RERG: variants seen among roughly 807,000 people sequenced by gnomAD.
RERG encodes the protein ras-related and estrogen-regulated growth inhibitor.
RERG carries 25 observed loss-of-function variants against 23.2 expected under a neutral mutation model. The observed-to-expected ratio is 1.08, with a 90% CI of 0.79 to 1.50. The LOEUF (loss-of-function observed/expected upper bound fraction) is 1.50, where lower values mean the gene tolerates loss of function less well. Among genes scored for constraint, RERG ranks in the 40% most tolerant of loss-of-function variants. The pLI, the probability that RERG is intolerant of heterozygous loss-of-function variation, is 0.00. For synonymous variants in RERG, 81 were observed against 89.1 expected, an observed-to-expected ratio of 0.91 and a Z score of 0.51; for missense variants, 253 against 250.1, an observed-to-expected ratio of 1.01 and a Z score of -0.08.
rs369268046 is a variant in RERG, at chr12:15,205,576, A to G, written c.61+11853T>C. On this transcript the variant is annotated intron_variant, in intron 2 of 4. Transcript: ENST00000256953. Reference sequence around the variant, plus strand: ...CAAACTCAACATGTGTTGCCAAATGACTAGGAAGCTGGCTCAGTTGTTAGA... The same window carrying G: ...CAAACTCAACATGTGTTGCCAAATGGCTAGGAAGCTGGCTCAGTTGTTAGA... 2.0e-5 allele frequency among the ~76,000 whole-genome samples: 3 copies of G among 152,180 alleles called. No individual in the cohort carries two copies. The East Asian group carries it at 5.8e-4, about 29-fold the overall frequency.
intron 2 of RERG, among the ~76,000 whole-genome samples, chr12:15,166,521 T>G (rs1164314654): frequency 6.6e-6 from 1 of 151,030 alleles, no homozygotes; most frequent in Non-Finnish European, 1.5e-5. Flanking sequence ...GTGATGGTGG[T>G]GATGGTGGTG....
chr12:15,177,957 G>A (rs1471029409), intron 2 of RERG, among the ~76,000 whole-genome samples: 1 of 151,312 alleles, frequency 6.6e-6, no homozygotes, highest in Non-Finnish European at 1.5e-5. Context: ...ACACAGAAAT[G>A]GGGAGCTGGA....
At chr12:15,206,385 C>T (rs1177170591) in intron 2 of RERG, among the ~76,000 whole-genome samples, 1 of 152,124 alleles carries the variant, frequency 6.6e-6, no homozygotes, top group Non-Finnish European at 1.5e-5. Flanking sequence ...GTACACCCAA[C>T]AGGGCATGGC....
chr12:15,136,770 T>A (rs989309060), intron 2 of RERG, among the ~76,000 whole-genome samples: 2 of 152,030 alleles, frequency 1.3e-5, no homozygotes, highest in African/African-American at 4.8e-5. Flanking sequence ...ATGCTTTCTA[T>A]GATTTGTATT....
intron 2 of RERG, among the ~76,000 whole-genome samples, chr12:15,189,762 G>C (rs1470010391): frequency 2.0e-5 from 3 of 152,094 alleles, no homozygotes; most frequent in Non-Finnish European, 2.9e-5. Context: ...AAAGGACTTT[G>C]CATTACCTTA....
chr12:15,126,823 T>C (rs1391089064), intron 2 of RERG, among the ~76,000 whole-genome samples: 1 of 150,146 alleles, frequency 6.7e-6, no homozygotes, highest in Non-Finnish European at 1.5e-5. Context: ...GTTCATGCCA[T>C]TCTCCTGCCT....
In RERG at chr12:15,164,428, TC is replaced by T. The variant is rs373203382; in HGVS notation, c.62-43310del. Among the ~76,000 whole-genome samples, 225 of 152,306 alleles carry T rather than the reference TC, an allele frequency of 1.5e-3. 6 individuals carry two copies. In the South Asian group the frequency reaches 0.045, roughly 31 times the overall value. On this transcript the variant is annotated intron_variant, in intron 2 of 4. Transcript: ENST00000256953. Reference sequence around the variant, plus strand: ...CCTGTGAAGCTCATTAATTCCCACTTCCAAGGGACATGAACAAGGCTTGCAC... The same window carrying T: ...CCTGTGAAGCTCATTAATTCCCACTTCAAGGGACATGAACAAGGCTTGCAC...
intron 2 of RERG, among the ~76,000 whole-genome samples, chr12:15,204,219 G>C (rs1248588055): frequency 1.3e-5 from 2 of 151,612 alleles, no homozygotes; most frequent in East Asian, 3.9e-4. Flanking sequence ...ATAAAAACAG[G>C]CACATAGACC....
intron 2 of RERG, among the ~76,000 whole-genome samples, chr12:15,155,999 A>G (rs889286216): frequency 4.1e-5 from 6 of 146,546 alleles, no homozygotes; most frequent in African/African-American, 1.5e-4. Flanking sequence ...GTATAATAAA[A>G]AAATATATAT....
At position 15,207,429 on chromosome 12, in the gene RERG, A is replaced by G. The variant is rs181624687; in HGVS notation, c.61+10000T>C. ...TGGGAAGGTTTGGCTCAGCAATGGC[A>G]TACGTTAAAAACAAACAAACAAACA... On this transcript the variant is annotated intron_variant, in intron 2 of 4. Transcript: ENST00000256953. Among the ~76,000 whole-genome samples the G allele has an allele frequency of 2.6e-5, 4 of 152,268 alleles. No individual in the cohort carries two copies. In the East Asian group the frequency reaches 7.7e-4, roughly 29 times the overall value.
chr12:15,110,319 T>C (rs982721419), intron 4 of RERG, among the ~76,000 whole-genome samples: 1 of 152,094 alleles, frequency 6.6e-6, no homozygotes, highest in African/African-American at 2.4e-5. Context: ...GGTGATGAGA[T>C]GGAAAAGTGG....
At chr12:15,149,018 G>A (rs559982531) in intron 2 of RERG, among the ~76,000 whole-genome samples, 2 of 151,310 alleles carry the variant, frequency 1.3e-5, no homozygotes, top group Admixed American at 6.6e-5. Flanking sequence ...ACAGGCGCCC[G>A]CCACCACGCC....
chr12:15,139,257 A>G (rs886828881), intron 2 of RERG, among the ~76,000 whole-genome samples: 2 of 152,026 alleles, frequency 1.3e-5, no homozygotes, highest in African/African-American at 4.8e-5. Flanking sequence ...TGGTAGTGTT[A>G]GTGATGGAAC....
At chr12:15,174,356 T>C (rs1864816760) in intron 2 of RERG, among the ~76,000 whole-genome samples, 1 of 152,104 alleles carries the variant, frequency 6.6e-6, no homozygotes, top group Admixed American at 6.6e-5. Flanking sequence ...TTACACATGA[T>C]AGATCATTTT....
At chr12:15,205,949 G>C (rs1865277363) in intron 2 of RERG, among the ~76,000 whole-genome samples, 1 of 151,868 alleles carries the variant, frequency 6.6e-6, no homozygotes, top group Non-Finnish European at 1.5e-5. Flanking sequence ...ACTTTAATTT[G>C]GTTTTATCTA....
intron 2 of RERG, among the ~76,000 whole-genome samples, chr12:15,162,227 C>T (rs1186289192): frequency 1.3e-5 from 2 of 152,214 alleles, no homozygotes; most frequent in African/African-American, 2.4e-5. Flanking sequence ...TGGCAGACTA[C>T]TCTGGTTATG....
chr12:15,137,555 T>G (rs1864164646), intron 2 of RERG, among the ~76,000 whole-genome samples: 1 of 151,864 alleles, frequency 6.6e-6, no homozygotes, highest in Non-Finnish European at 1.5e-5. Context: ...CTTTTTTTAC[T>G]TCGTTTAGTA....
At chr12:15,204,342 G>T (rs1865256570) in intron 2 of RERG, among the ~76,000 whole-genome samples, 1 of 151,754 alleles carries the variant, frequency 6.6e-6, no homozygotes, top group Non-Finnish European at 1.5e-5. Context: ...AACAAATGAT[G>T]TTGAGAAAAC....
At chr12:15,176,179 A>G (rs1864848843) in intron 2 of RERG, among the ~76,000 whole-genome samples, 1 of 152,222 alleles carries the variant, frequency 6.6e-6, no homozygotes, top group East Asian at 1.9e-4. Context: ...TTTTTAAAGG[A>G]AAACAAAGTT....
Sources: gnomAD v4.1 joint callset for allele counts (sites outside exome capture counted in the v4.1 genomes callset) on GRCh38, gnomAD v4.1.1 for gene constraint, MANE v1.5 for transcripts, NCBI Gene and HGNC (gene_info 2026-07-23, HGNC 2026-07-21) for gene names.